The following SLCO5A1 variants were observed in gnomAD, a reference collection of about 807,000 sequenced individuals.
SLCO5A1 encodes solute carrier organic anion transporter family member 5A1, also known as organic anion transporter polypeptide-related protein 4.
In SLCO5A1, 39 loss-of-function variants were observed where a neutral mutation model predicts 65.1. The ratio of observed to expected loss-of-function variants is 0.60; its 90% CI spans 0.46 to 0.78. The LOEUF is 0.78. Ranked by LOEUF, SLCO5A1 falls within the 30% of genes least tolerant of loss-of-function variation. The pLI, the probability that SLCO5A1 is intolerant of heterozygous loss-of-function variation, is 0.00. For synonymous variants in SLCO5A1, 438 were observed against 415.7 expected (o/e 1.05, Z -0.65); for missense variants, 1,029 against 1,069.4 (o/e 0.96, Z 0.53).
chr8:69,818,663 CT>C (rs1403299213), intron 2 of SLCO5A1, among the ~76,000 whole-genome samples: 1 of 152,202 alleles, frequency 6.6e-6, no homozygotes, highest in East Asian at 1.9e-4. Flanking sequence ...CACTAAAACC[CT>C]TTGTTTTGCA....
At chr8:69,701,994 T>C (rs34255104) in intron 6 of SLCO5A1, among the ~76,000 whole-genome samples, 16,990 of 152,280 alleles carry the variant, frequency 0.11, 1,188 homozygotes, top group Non-Finnish European at 0.16. Flanking sequence ...ATACCTTAGT[T>C]TGATTAATTT....
chr8:69,819,105 G>A (rs1030124722), intron 2 of SLCO5A1, among the ~76,000 whole-genome samples: 1 of 152,064 alleles, frequency 6.6e-6, no homozygotes, highest in East Asian at 1.9e-4. Flanking sequence ...ACAAGTCTTA[G>A]GAGGCAATGT....
chr8:69,721,297 G>C (rs1370501194), intron 5 of SLCO5A1, among the ~76,000 whole-genome samples: 1 of 152,216 alleles, frequency 6.6e-6, no homozygotes, highest in Admixed American at 6.5e-5. Context: ...TTATGTGACA[G>C]AGAAATAATG....
intron 5 of SLCO5A1, among the ~76,000 whole-genome samples, chr8:69,706,264 G>A (rs559681439): frequency 1.3e-5 from 2 of 152,160 alleles, no homozygotes; most frequent in African/African-American, 4.8e-5. Context: ...TGCACAAACA[G>A]GTAGTACAAC....
intron 6 of SLCO5A1, among the ~76,000 whole-genome samples, chr8:69,683,202 G>A (rs1161011296): frequency 6.6e-6 from 1 of 152,158 alleles, no homozygotes; most frequent in Non-Finnish European, 1.5e-5. Flanking sequence ...CACAGGAAAA[G>A]GAAAGGCGCT....
In SLCO5A1 at chr8:69,705,170, T is replaced by C; in HGVS notation, c.1483A>G (p.Lys495Glu). The change falls in exon 6 of 10, where the codon AAA becomes GAA. Residue 495 changes from lysine (K) to glutamate (E), a missense_variant. This residue lies in a region of SLCO5A1 where 647 missense variants were observed against 647.5 expected (regional missense o/e 1.00). Coordinates refer to ENST00000260126, the MANE Select transcript of SLCO5A1 (RefSeq NM_030958.3). ...GIVLGGYIIK[K>E]LKLGARESAK... ...GATTCTCTGGCACCAAGTTTCAATT[T>C]TTTTATAATGTAGCCTCCGAGGACA... 2 of 1,614,236 alleles carry C rather than the reference T, an allele frequency of 1.2e-6. No homozygotes were observed.
intron 5 of SLCO5A1, among the ~76,000 whole-genome samples, chr8:69,732,845 C>T (rs114787443): frequency 0.022 from 3,387 of 151,664 alleles, 107 homozygotes; most frequent in South Asian, 0.075. Flanking sequence ...GCCGAGTTCA[C>T]GGCACAGCAC....
chr8:69,764,062 AC>A (rs1817936656), intron 2 of SLCO5A1, among the ~76,000 whole-genome samples: 1 of 152,108 alleles, frequency 6.6e-6, no homozygotes, highest in African/African-American at 2.4e-5. Flanking sequence ...ACAGGGTTTT[AC>A]CACGTTGGCC....
At chr8:69,737,097 C>T (rs1816594320) in intron 5 of SLCO5A1, among the ~76,000 whole-genome samples, 1 of 152,164 alleles carries the variant, frequency 6.6e-6, no homozygotes, top group African/African-American at 2.4e-5. Flanking sequence ...ATCCTGGGCC[C>T]ACAACCCAAT....
chr8:69,764,500 A>G (rs995889778), intron 2 of SLCO5A1, among the ~76,000 whole-genome samples: 3 of 152,176 alleles, frequency 2.0e-5, no homozygotes, highest in African/African-American at 4.8e-5. Flanking sequence ...GCTTGTAACA[A>G]TAAGACATTA....
chr8:69,796,657 C>T (rs1197340954), intron 2 of SLCO5A1, among the ~76,000 whole-genome samples: 1 of 150,908 alleles, frequency 6.6e-6, no homozygotes, highest in Non-Finnish European at 1.5e-5. Context: ...CACATATATA[C>T]ATGTATATAT....
At chr8:69,789,607 T>C (rs1819182995) in intron 2 of SLCO5A1, among the ~76,000 whole-genome samples, 1 of 152,212 alleles carries the variant, frequency 6.6e-6, no homozygotes, top group African/African-American at 2.4e-5. Context: ...TTTAGACATC[T>C]ATCGTACAAC....
intron 2 of SLCO5A1, among the ~76,000 whole-genome samples, chr8:69,797,330 C>T (rs953402277): frequency 2.0e-5 from 3 of 152,182 alleles, no homozygotes; most frequent in Non-Finnish European, 4.4e-5. Flanking sequence ...ATGTATGTCA[C>T]CTCAGGACCC....
chr8:69,692,837 G>T (rs2380563), intron 6 of SLCO5A1, among the ~76,000 whole-genome samples: 14,406 of 152,192 alleles, frequency 0.095, 867 homozygotes, highest in South Asian at 0.17. Flanking sequence ...TGAAGGACCT[G>T]CCAGAGGCTG....
At chr8:69,683,773 G>T (rs192626020) in intron 6 of SLCO5A1, among the ~76,000 whole-genome samples, 25 of 152,224 alleles carry the variant, frequency 1.6e-4, no homozygotes, top group African/African-American at 5.5e-4. Context: ...ATGTTGGCCA[G>T]GCTGGTCTCG....
chr8:69,751,005 G>A (rs1370293575), intron 4 of SLCO5A1, among the ~76,000 whole-genome samples: 1 of 151,994 alleles, frequency 6.6e-6, no homozygotes, highest in East Asian at 1.9e-4. Flanking sequence ...ATCACCTCAG[G>A]GTAACTATTT....
At chr8:69,727,768 C>A (rs1260508219) in intron 5 of SLCO5A1, among the ~76,000 whole-genome samples, 1 of 152,150 alleles carries the variant, frequency 6.6e-6, no homozygotes, top group Non-Finnish European at 1.5e-5. Flanking sequence ...TTCTTTTGAT[C>A]TTTATAAGAA....
At chr8:69,676,772 T>C (rs1290554234) in intron 8 of SLCO5A1, 99 bp from the exon 9 acceptor site, 1 of 884,662 alleles carries the variant, frequency 1.1e-6, no homozygotes, top group Admixed American at 2.6e-5. Context: ...GGACTAAAGA[T>C]GCCATGCCAA....
chr8:69,780,872 A>C (rs996587003), intron 2 of SLCO5A1, among the ~76,000 whole-genome samples: 1 of 152,210 alleles, frequency 6.6e-6, no homozygotes, highest in African/African-American at 2.4e-5. Flanking sequence ...AAATCACATC[A>C]GAGCGGAAAA....
Sources: allele counts gnomAD v4.1 joint callset (sites outside exome capture counted in the v4.1 genomes callset), GRCh38; gene constraint gnomAD v4.1.1; regional missense constraint gnomAD v4.1.1; transcripts MANE v1.5; gene names NCBI Gene and HGNC (gene_info 2026-07-23, HGNC 2026-07-21).